The following ANKH variants were observed in gnomAD, a reference collection of about 807,000 sequenced individuals.
ANKH encodes the protein ANKH inorganic pyrophosphate transport regulator.
In ANKH, 15 loss-of-function variants were observed where a neutral mutation model predicts 49.0. That is an observed-to-expected ratio of 0.31 (90% CI 0.20 to 0.47). The LOEUF is 0.47. Ranked by LOEUF, ANKH falls within the 20% of genes least tolerant of loss-of-function variation. ANKH has a pLI of 1.00. For missense variants in ANKH, 429 were observed against 652.0 expected (o/e 0.66, Z 3.72); for synonymous variants, 273 against 260.0 (o/e 1.05, Z -0.48).
intron 8 of ANKH, among the ~76,000 whole-genome samples, chr5:14,733,725 G>A (rs901607695): frequency 5.9e-5 from 9 of 152,196 alleles, no homozygotes; most frequent in Non-Finnish European, 1.0e-4. Context: ...TAAGTGAATG[G>A]CCGGTCATCG....
intron 1 of ANKH, among the ~76,000 whole-genome samples, chr5:14,775,437 A>G (rs535852745): frequency 6.6e-6 from 1 of 152,356 alleles, no homozygotes; most frequent in South Asian, 2.1e-4. Context: ...AGTTATGTCA[A>G]TGTGGTCTCT....
intron 8 of ANKH, among the ~76,000 whole-genome samples, chr5:14,722,745 C>T (rs1737708076): frequency 6.6e-6 from 1 of 152,154 alleles, no homozygotes; most frequent in East Asian, 1.9e-4. Flanking sequence ...AATTCATTAG[C>T]TGCTCCCCTC....
intron 7 of ANKH, among the ~76,000 whole-genome samples, chr5:14,744,296 T>C (rs1451857241): frequency 7.0e-6 from 1 of 141,986 alleles, no homozygotes; most frequent in African/African-American, 3.1e-5. Flanking sequence ...AGGTGGTGAG[T>C]CCTAACTCAC....
intron 1 of ANKH, among the ~76,000 whole-genome samples, chr5:14,831,619 T>C (rs1355876814): frequency 6.6e-6 from 1 of 152,146 alleles, no homozygotes; most frequent in Non-Finnish European, 1.5e-5. Flanking sequence ...CTGCACACCA[T>C]CCACACCAGA....
intron 1 of ANKH, among the ~76,000 whole-genome samples, chr5:14,807,692 G>A (rs1260961130): frequency 6.6e-6 from 1 of 152,172 alleles, no homozygotes; most frequent in Non-Finnish European, 1.5e-5. Context: ...CAAGGGGAGT[G>A]ATTTGAGGAG....
Position 14,737,616 on chromosome 5 carries a change from C to T in ANKH, c.1011+4211G>A, listed in dbSNP as rs1482326875. Among the ~76,000 whole-genome samples, 3 of 152,220 alleles carry T rather than the reference C, an allele frequency of 2.0e-5. No individual in the cohort carries two copies. Among genetic ancestry groups the T allele is most frequent in the African/African-American group, 4.8e-5 (2 of 41,466 alleles). On this transcript the variant is annotated intron_variant, in intron 8 of 11. Transcript: ENST00000284268. This position sits in a 1 kb window ranked among gnomAD's most constrained non-coding sequence, Gnocchi z 5.0. The stretch of plus-strand genomic sequence containing the variant: ...GCACCAGTGGAGACACCTTGCATGG[C>T]GAGGCTGCGACGCAGTCTCCTTTGC...
intron 1 of ANKH, among the ~76,000 whole-genome samples, chr5:14,800,683 A>T (rs1171964980): frequency 2.0e-5 from 3 of 151,854 alleles, no homozygotes; most frequent in Non-Finnish European, 2.9e-5. Context: ...AATACATTGC[A>T]CACTTAATTG....
intron 1 of ANKH, among the ~76,000 whole-genome samples, chr5:14,838,873 A>G (rs531550403): frequency 5.3e-5 from 8 of 152,260 alleles, no homozygotes; most frequent in African/African-American, 1.7e-4. Context: ...AGTCCCTCCC[A>G]GCCCCTAAGG....
chr5:14,802,267 C>A (rs547088030), intron 1 of ANKH, among the ~76,000 whole-genome samples: 2 of 152,066 alleles, frequency 1.3e-5, no homozygotes, highest in Admixed American at 6.6e-5. Context: ...CTCTTCTCAC[C>A]GAGACTTGGC....
chr5:14,839,871 G>T (rs1033175401), intron 1 of ANKH, among the ~76,000 whole-genome samples: 14 of 152,178 alleles, frequency 9.2e-5, no homozygotes, highest in African/African-American at 3.4e-4. Context: ...CCCCATCAGA[G>T]GTAGAAACAT....
chr5:14,793,021 A>AATATATATATATAAAAATATAT (rs1740232243), intron 1 of ANKH, among the ~76,000 whole-genome samples: 3 of 68,356 alleles, frequency 4.4e-5, no homozygotes, highest in East Asian at 7.3e-4. Context: ...TATATATATA[A>AATATATATATATAAAAATATAT]ATATATATAT....
At chr5:14,778,670 T>C (rs183826141) in intron 1 of ANKH, among the ~76,000 whole-genome samples, 1 of 152,236 alleles carries the variant, frequency 6.6e-6, no homozygotes, top group African/African-American at 2.4e-5. Context: ...CTCTCATCGC[T>C]CCTCCTGTCT....
At chr5:14,848,886 A>T (rs1320350401) in intron 1 of ANKH, among the ~76,000 whole-genome samples, 1 of 152,242 alleles carries the variant, frequency 6.6e-6, no homozygotes, top group Non-Finnish European at 1.5e-5. Flanking sequence ...ACCCACCGGT[A>T]ACAGCAATGT....
intron 8 of ANKH, among the ~76,000 whole-genome samples, chr5:14,717,818 A>C (rs972088759): frequency 3.9e-5 from 6 of 152,184 alleles, no homozygotes; most frequent in African/African-American, 1.2e-4. Context: ...CACATCCCTA[A>C]TCCCAAAATA....
rs117469041 is a variant in ANKH at position 14,721,381 on chromosome 5, G to T, written c.1012-4546C>A. Among the ~76,000 whole-genome samples the T allele has an allele frequency of 1.8e-3, 280 of 152,268 alleles. 4 individuals are homozygous for T. In the East Asian group the frequency reaches 0.047, roughly 26 times the overall value. ...CCACACACACCTACAGCCCAGACTG[G>T]GTCTTCGCGGGGTATCGGAACTGGA... On this transcript the variant is annotated intron_variant, in intron 8 of 11. Transcript: ENST00000284268.
In ANKH at chr5:14,709,882, C is replaced by T. The variant is rs1248454789; in HGVS notation, c.*1315G>A. 1.3e-5 allele frequency: 2 copies of T among 152,604 alleles called. No individual in the cohort carries two copies. The highest frequency in any genetic ancestry group is 2.4e-5 in the African/African-American group (1 of 41,430). 9.5% of individuals were successfully genotyped at this position (152,604 alleles called of 1,614,324 possible). A position where few individuals can be genotyped will look rare whatever the true frequency, so the allele number is the denominator to read the frequency against. ...ATGTATTATAGCCTAAAATAAATTA[C>T]ATAACATATACAGCATATATTTATA... On this transcript the variant is annotated 3_prime_UTR_variant, in exon 12 of 12. Coordinates refer to ENST00000284268, the MANE Select transcript of ANKH (RefSeq NM_054027.6).
chr5:14,740,525 C>T (rs1021456726), intron 8 of ANKH, among the ~76,000 whole-genome samples: 1 of 152,174 alleles, frequency 6.6e-6, no homozygotes, highest in Non-Finnish European at 1.5e-5. Context: ...CCCCCGTGTT[C>T]CACAGGGACA....
At chr5:14,712,240 G>A (rs918084707) in intron 11 of ANKH, among the ~76,000 whole-genome samples, 1 of 152,252 alleles carries the variant, frequency 6.6e-6, no homozygotes. Context: ...GGCTCTCTGA[G>A]TGGCCTGGCC....
In ANKH at chr5:14,710,299, G is replaced by C. The variant is rs1737116932; in HGVS notation, c.*898C>G. 1 of 152,214 alleles carries C rather than the reference G, an allele frequency of 6.6e-6. No individual in the cohort carries two copies. Among genetic ancestry groups the C allele is most frequent in the Admixed American group, 6.5e-5 (1 of 15,286 alleles). 9.4% of individuals were successfully genotyped at this position (152,214 alleles called of 1,614,324 possible). A position where few individuals can be genotyped will look rare whatever the true frequency, so the allele number is the denominator to read the frequency against. On this transcript the variant is annotated 3_prime_UTR_variant, in exon 12 of 12. Transcript: ENST00000284268. Reference sequence around the variant, plus strand: ...TGTAAAAACTAAAATGCAAAGTTAGGATGCTCCATGTGACTCGCTCTAATG... The same window carrying C: ...TGTAAAAACTAAAATGCAAAGTTAGCATGCTCCATGTGACTCGCTCTAATG...
Sources: allele counts gnomAD v4.1 joint callset (sites outside exome capture counted in the v4.1 genomes callset), GRCh38; gene constraint gnomAD v4.1.1; non-coding constraint Gnocchi (gnomAD v3.1); transcripts MANE v1.5; gene names NCBI Gene and HGNC (gene_info 2026-07-23, HGNC 2026-07-21).